Variants in MARCHF4 observed in about 807,000 individuals in gnomAD.
MARCHF4 encodes membrane associated ring-CH-type finger 4.
A neutral mutation model predicts 43.9 loss-of-function variants in MARCHF4; 14 were observed. The observed-to-expected ratio is 0.32, with a 90% confidence interval of 0.21 to 0.50. The LOEUF (loss-of-function observed/expected upper bound fraction) is 0.50, where lower values mean the gene tolerates loss of function less well. Ranked by LOEUF, MARCHF4 falls within the 20% of genes least tolerant of loss-of-function variation. The pLI, the probability that MARCHF4 is intolerant of heterozygous loss-of-function variation, is 0.98. For missense variants in MARCHF4, 468 were observed against 536.7 expected, an observed-to-expected ratio of 0.87 and a Z score of 1.27; for synonymous variants, 226 against 213.3, an observed-to-expected ratio of 1.06 and a Z score of -0.52.
intron 1 of MARCHF4, among the ~76,000 whole-genome samples, chr2:216,357,532 T>C (rs1320865223): frequency 6.6e-6 from 1 of 152,198 alleles, no homozygotes; most frequent in African/African-American, 2.4e-5. Flanking sequence ...TACTGCCTAG[T>C]CTGGTCACAA....
chr2:216,322,601 C>T (rs577417167), intron 1 of MARCHF4, among the ~76,000 whole-genome samples: 9 of 152,348 alleles, frequency 5.9e-5, no homozygotes, highest in Non-Finnish European at 8.8e-5. Flanking sequence ...GCAGGCGGAT[C>T]ACCTGAGATC....
intron 1 of MARCHF4, among the ~76,000 whole-genome samples, chr2:216,289,062 TA>T (rs1691264248): frequency 6.8e-6 from 1 of 147,774 alleles, no homozygotes; most frequent in Non-Finnish European, 1.5e-5. Context: ...CATATATATA[TA>T]TATATTTATT....
intron 3 of MARCHF4, among the ~76,000 whole-genome samples, chr2:216,272,334 G>T (rs180993258): frequency 4.6e-5 from 7 of 152,192 alleles, no homozygotes; most frequent in Non-Finnish European, 1.5e-5. Context: ...CAATCAAAAA[G>T]GAGATGCAAC....
chr2:216,331,759 G>T (rs1692084207), intron 1 of MARCHF4, among the ~76,000 whole-genome samples: 1 of 152,022 alleles, frequency 6.6e-6, no homozygotes, highest in Non-Finnish European at 1.5e-5. Flanking sequence ...ATGAGAAAAA[G>T]GTTTAATATT....
At chr2:216,302,917 A>G (rs1026712722) in intron 1 of MARCHF4, among the ~76,000 whole-genome samples, 1 of 135,394 alleles carries the variant, frequency 7.4e-6, no homozygotes, top group African/African-American at 2.5e-5. Flanking sequence ...AAAAAAAAAA[A>G]AAAAAAGAAA....
At chr2:216,279,871 G>C (rs752761318) in intron 2 of MARCHF4, among the ~76,000 whole-genome samples, 1 of 152,160 alleles carries the variant, frequency 6.6e-6, no homozygotes, top group Non-Finnish European at 1.5e-5. Flanking sequence ...GCTTTTTCCA[G>C]GGCCTGCCCT....
At chr2:216,362,778 C>A (rs1277167321) in intron 1 of MARCHF4, among the ~76,000 whole-genome samples, 2 of 152,194 alleles carry the variant, frequency 1.3e-5, no homozygotes, top group Non-Finnish European at 2.9e-5. Context: ...CTGGGTACAC[C>A]TCACCTTTGC....
Position 216,259,529 on chromosome 2 carries a change from G to T in MARCHF4, c.1016C>A (p.Ser339Tyr). The stretch of plus-strand genomic sequence containing the variant: ...CGAGGAGGGGATATTGGCCTGGGTG[G>T]ATGAGGAGGTCCGGGGGTTGGTCCT... ...GGRTNPRTSS[S>Y]TQANIPSSEE... Residue 339 changes from serine to tyrosine, a missense_variant, in exon 4 of 4, where the codon TCC becomes TAC. Around this residue, in one of 3 missense-constraint regions of MARCHF4, gnomAD observed 120 missense variants for 127.1 expected, o/e 0.94. Transcript: ENST00000273067. 1 of 1,614,176 alleles carries T rather than the reference G, an allele frequency of 6.2e-7. No individual in the cohort carries two copies. The highest frequency in any genetic ancestry group is 8.5e-7 in the Non-Finnish European group (1 of 1,180,020).
intron 1 of MARCHF4, among the ~76,000 whole-genome samples, chr2:216,332,706 G>A (rs561858650): frequency 8.5e-5 from 13 of 152,150 alleles, no homozygotes; most frequent in South Asian, 2.1e-4. Flanking sequence ...AAAGACGGTC[G>A]TCTCCCCAAA....
chr2:216,353,382 T>C (rs550695298), intron 1 of MARCHF4, among the ~76,000 whole-genome samples: 157 of 152,346 alleles, frequency 1.0e-3, no homozygotes, highest in Middle Eastern at 6.8e-3. Flanking sequence ...AATAGATGAA[T>C]AGCTCTGAGG....
chr2:216,329,486 T>C (rs1692050822), intron 1 of MARCHF4, among the ~76,000 whole-genome samples: 1 of 152,020 alleles, frequency 6.6e-6, no homozygotes, highest in Non-Finnish European at 1.5e-5. Flanking sequence ...TATCAACTTA[T>C]ATTGGACCAT....
At chr2:216,290,564 A>G (rs184014202) in intron 1 of MARCHF4, among the ~76,000 whole-genome samples, 42 of 152,284 alleles carry the variant, frequency 2.8e-4, no homozygotes, top group African/African-American at 8.7e-4. Context: ...GGAGAGTGGC[A>G]TGATCTGATC....
rs1053627615 is a variant in MARCHF4 at position 216,372,287 on chromosome 2, C to T, written c.-2027G>A. Among the ~76,000 whole-genome samples the T allele has an allele frequency of 6.6e-6, 1 of 152,110 alleles. No individual in the cohort carries two copies. Among genetic ancestry groups the T allele is most frequent in the African/African-American group, 2.4e-5 (1 of 41,418 alleles). ...CAAGGTTCTTGCAGCGAGGGAGGCTCTCGGCTATCTCCGCCGCCGGCGCCG... is the reference window on the plus strand; with the variant it reads ...CAAGGTTCTTGCAGCGAGGGAGGCTTTCGGCTATCTCCGCCGCCGGCGCCG... On this transcript the variant is annotated 5_prime_UTR_variant, in exon 1 of 4. Transcript: ENST00000273067.
At chr2:216,348,338 C>T (rs1373546959) in intron 1 of MARCHF4, among the ~76,000 whole-genome samples, 3 of 151,978 alleles carry the variant, frequency 2.0e-5, no homozygotes, top group Non-Finnish European at 4.4e-5. Context: ...CGTGCCTGGC[C>T]GGTTAAGGCA....
intron 3 of MARCHF4, among the ~76,000 whole-genome samples, chr2:216,275,009 A>C (rs1403482392): frequency 6.6e-6 from 1 of 152,172 alleles, no homozygotes; most frequent in Non-Finnish European, 1.5e-5. Context: ...CTCCCATCCC[A>C]TAGCTGTCTC....
intron 1 of MARCHF4, among the ~76,000 whole-genome samples, chr2:216,356,884 G>T (rs913685523): frequency 1.2e-4 from 18 of 152,026 alleles, no homozygotes; most frequent in Admixed American, 9.8e-4. Context: ...TTAGCTGGGC[G>T]TGGTGGCAGG....
intron 1 of MARCHF4, among the ~76,000 whole-genome samples, chr2:216,338,761 A>C (rs1692194653): frequency 6.6e-6 from 1 of 152,184 alleles, no homozygotes; most frequent in Non-Finnish European, 1.5e-5. Flanking sequence ...TGGCTGAACT[A>C]GGATACTCAT....
At chr2:216,345,345 ATT>A (rs58568588) in intron 1 of MARCHF4, among the ~76,000 whole-genome samples, 22 of 143,886 alleles carry the variant, frequency 1.5e-4, no homozygotes, top group African/African-American at 5.0e-4. Flanking sequence ...TTATACCCTG[ATT>A]TTTTTTTTTT....
intron 1 of MARCHF4, among the ~76,000 whole-genome samples, chr2:216,329,772 T>C (rs1692055779): frequency 6.6e-6 from 1 of 151,240 alleles, no homozygotes; most frequent in Admixed American, 6.6e-5. Flanking sequence ...GTATGTCCCT[T>C]AAGTATAAGG....
Sources: allele counts gnomAD v4.1 joint callset (sites outside exome capture counted in the v4.1 genomes callset), GRCh38; gene constraint gnomAD v4.1.1; regional missense constraint gnomAD v4.1.1; transcripts MANE v1.5; gene names NCBI Gene and HGNC (gene_info 2026-07-23, HGNC 2026-07-21).